VAV3: variants seen among roughly 807,000 people sequenced by gnomAD.
The protein encoded by VAV3 is vav guanine nucleotide exchange factor 3, also known as guanine nucleotide exchange factor VAV3.
A neutral mutation model predicts 131.2 loss-of-function variants in VAV3; 94 were observed. The ratio of observed to expected loss-of-function variants is 0.72; its 90% confidence interval spans 0.61 to 0.85. The LOEUF is 0.85. Among genes scored for constraint, VAV3 ranks in the 40% least tolerant of loss-of-function variants. The pLI, the probability that VAV3 is intolerant of heterozygous loss-of-function variation, is 0.00. For synonymous variants in VAV3, 349 were observed against 342.0 expected, an observed-to-expected ratio of 1.02 and a Z score of -0.22; for missense variants, 939 against 1,002.7, an observed-to-expected ratio of 0.94 and a Z score of 0.86.
intron 17 of VAV3, among the ~76,000 whole-genome samples, chr1:107,700,915 C>T (rs1483596006): frequency 1.3e-5 from 2 of 152,304 alleles, no homozygotes; most frequent in East Asian, 1.9e-4. Context: ...ACATTCCCAC[C>T]AACAGTATAA....
At chr1:107,932,401 C>T (rs1443446791) in intron 1 of VAV3, among the ~76,000 whole-genome samples, 1 of 151,194 alleles carries the variant, frequency 6.6e-6, no homozygotes, top group African/African-American at 2.4e-5. Context: ...TGAACAAAAC[C>T]TGAAAGAGAC....
intron 19 of VAV3, among the ~76,000 whole-genome samples, chr1:107,663,666 C>G (rs1198888828): frequency 6.6e-6 from 1 of 152,138 alleles, no homozygotes; most frequent in South Asian, 2.1e-4. Context: ...TAGTATTTTA[C>G]CTCCGCTGAA....
intron 15 of VAV3, among the ~76,000 whole-genome samples, chr1:107,736,842 T>C (rs1662670589): frequency 6.6e-6 from 1 of 152,156 alleles, no homozygotes; most frequent in African/African-American, 2.4e-5. Context: ...TTCACAGAAT[T>C]AGAAAAAACT....
At chr1:107,576,090 T>C (rs1649623904) in intron 25 of VAV3, among the ~76,000 whole-genome samples, 1 of 151,988 alleles carries the variant, frequency 6.6e-6, no homozygotes, top group Non-Finnish European at 1.5e-5. Context: ...TCAAGAAAAA[T>C]AATGATTTTA....
At chr1:107,766,003 GC>G (rs1317273300) in intron 8 of VAV3, among the ~76,000 whole-genome samples, 1 of 152,088 alleles carries the variant, frequency 6.6e-6, no homozygotes, top group Non-Finnish European at 1.5e-5. Context: ...AACTGACTCT[GC>G]GAATCTAATA....
chr1:107,733,133 G>A (rs1557803181), intron 15 of VAV3, among the ~76,000 whole-genome samples: 1 of 152,302 alleles, frequency 6.6e-6, no homozygotes, highest in East Asian at 1.9e-4. Flanking sequence ...CAACAGACCT[G>A]CAACTGAGAG....
At chr1:107,582,405 GTATA>G (rs998559305) in intron 25 of VAV3, among the ~76,000 whole-genome samples, 1 of 151,916 alleles carries the variant, frequency 6.6e-6, no homozygotes, top group Non-Finnish European at 1.5e-5. Flanking sequence ...ACTGCTTATT[GTATA>G]TATATATTTT....
chr1:107,853,269 A>G (rs1225655596), intron 2 of VAV3, among the ~76,000 whole-genome samples: 3 of 152,212 alleles, frequency 2.0e-5, no homozygotes, highest in Non-Finnish European at 4.4e-5. Flanking sequence ...TTACCTAACC[A>G]TCATCTGTGA....
chr1:107,755,109 T>A (rs1473604764), intron 12 of VAV3, among the ~76,000 whole-genome samples: 1 of 151,672 alleles, frequency 6.6e-6, no homozygotes, highest in African/African-American at 2.4e-5. Context: ...AATAAATGAA[T>A]AGGAATCAGC....
At chr1:107,912,977 TTCTCTCCAGG>T (rs1214868552) in intron 1 of VAV3, among the ~76,000 whole-genome samples, 1 of 152,248 alleles carries the variant, frequency 6.6e-6, no homozygotes, top group Non-Finnish European at 1.5e-5. Flanking sequence ...TCTCGTTTAT[TTCTCTCCAGG>T]TCTAATATGA....
rs532625931 is a variant in VAV3 at position 107,884,139 on chromosome 1, T to TAA, written c.205-9124_205-9123dup. On this transcript the variant is annotated intron_variant, in intron 1 of 26. Transcript: ENST00000370056. ...AGCAACCCAGAGATGGGGCCCAGTT[T>TAA]AAAAAAAAAAAAAAAGTTAAAAAGA... Among the ~76,000 whole-genome samples, 596 of 138,584 alleles carry TAA rather than the reference T, an allele frequency of 4.3e-3. 4 individuals carry two copies. Among genetic ancestry groups the TAA allele is most frequent in the African/African-American group, 0.015 (561 of 37,544 alleles). The allele number at this position is 138,584 out of a possible 152,430, so 90.9% of individuals were successfully genotyped here. A position where few individuals can be genotyped will look rare whatever the true frequency, so the allele number is the denominator to read the frequency against.
Position 107,859,608 on chromosome 1 carries a change from T to C in VAV3, c.321+15293A>G, listed in dbSNP as rs114007017. ...CACACTGAATGCAAGCCAAGGCTTTTAAAAATCCCCTAAATTACAGAAAAC... is the reference window on the plus strand; with the variant it reads ...CACACTGAATGCAAGCCAAGGCTTTCAAAAATCCCCTAAATTACAGAAAAC... On this transcript the variant is annotated intron_variant, in intron 2 of 26. Transcript: ENST00000370056. Among the ~76,000 whole-genome samples the C allele has an allele frequency of 4.5e-3, 684 of 152,260 alleles. 3 individuals are homozygous for C. Among genetic ancestry groups the C allele is most frequent in the African/African-American group, 0.015 (624 of 41,546 alleles).
At chr1:107,753,112 T>G (rs1663837950) in intron 12 of VAV3, among the ~76,000 whole-genome samples, 1 of 152,114 alleles carries the variant, frequency 6.6e-6, no homozygotes, top group South Asian at 2.1e-4. Flanking sequence ...TTATTCAGCT[T>G]TAAACAAATG....
chr1:107,630,348 A>AGGATGGGAGGATGGATGGAT (rs1553178103), intron 20 of VAV3, among the ~76,000 whole-genome samples: 2 of 150,678 alleles, frequency 1.3e-5, no homozygotes, highest in South Asian at 4.2e-4. Context: ...AATGGATGGG[A>AGGATGGGAGGATGGATGGAT]GGATGGATGG....
chr1:107,641,402 T>C (rs1045926962), intron 20 of VAV3, among the ~76,000 whole-genome samples: 1 of 152,198 alleles, frequency 6.6e-6, no homozygotes, highest in Admixed American at 6.6e-5. Flanking sequence ...TATTTTTCCC[T>C]CAATGCACAA....
intron 2 of VAV3, among the ~76,000 whole-genome samples, chr1:107,843,365 AATATATATAT>A (rs34150658): frequency 7.1e-6 from 1 of 139,970 alleles, no homozygotes; most frequent in Non-Finnish European, 1.5e-5. Flanking sequence ...GCACAACACA[AATATATATAT>A]ATATATATAT....
chr1:107,693,970 A>G (rs565591010), intron 17 of VAV3, among the ~76,000 whole-genome samples: 1 of 152,130 alleles, frequency 6.6e-6, no homozygotes, highest in South Asian at 2.1e-4. Flanking sequence ...GCAACCCTAG[A>G]ACCCATGTGT....
At chr1:107,807,444 T>C (rs78998525) in intron 2 of VAV3, among the ~76,000 whole-genome samples, 1 of 152,100 alleles carries the variant, frequency 6.6e-6, no homozygotes, top group Admixed American at 6.6e-5. Context: ...AGAGATACTC[T>C]TAAAAGATTT....
At chr1:107,576,688 C>T (rs1649675287) in intron 25 of VAV3, among the ~76,000 whole-genome samples, 1 of 152,180 alleles carries the variant, frequency 6.6e-6, no homozygotes, top group Non-Finnish European at 1.5e-5. Context: ...CTCCACATTG[C>T]CATCTTTGAA....
Sources: gnomAD v4.1 joint callset for allele counts (sites outside exome capture counted in the v4.1 genomes callset) on GRCh38, gnomAD v4.1.1 for gene constraint, MANE v1.5 for transcripts, NCBI Gene and HGNC (gene_info 2026-07-23, HGNC 2026-07-21) for gene names.